The following ANLN variants were observed in gnomAD, a reference collection of about 807,000 sequenced individuals.
ANLN encodes anillin.
ANLN carries 59 observed loss-of-function variants against 135.1 expected under a neutral mutation model. That is an observed-to-expected ratio of 0.44 (90% confidence interval 0.35 to 0.54). The LOEUF (loss-of-function observed/expected upper bound fraction) is 0.54, where lower values mean the gene tolerates loss of function less well. ANLN is among the 20% of genes least tolerant of loss of function. The pLI is 0.00. For synonymous variants in ANLN, 406 were observed against 456.4 expected, an observed-to-expected ratio of 0.89 and a Z score of 1.41; for missense variants, 1,182 against 1,340.0, an observed-to-expected ratio of 0.88 and a Z score of 1.84.
intron 2 of ANLN, among the ~76,000 whole-genome samples, chr7:36,398,340 C>G (rs1316583571): frequency 6.6e-6 from 1 of 152,114 alleles, no homozygotes; most frequent in Non-Finnish European, 1.5e-5. Context: ...GCCAATTGCC[C>G]TTCTAACCAT....
intron 11 of ANLN, 105 bp from the exon 12 acceptor site, chr7:36,420,492 G>T: frequency 7.9e-7 from 1 of 1,262,546 alleles, no homozygotes; most frequent in Non-Finnish European, 1.1e-6. Flanking sequence ...GAAATGTTCT[G>T]CTGACATGTT....
Position 36,420,292 on chromosome 7 carries a change from G to A in ANLN, c.1993G>A (p.Glu665Lys). Residue 665 changes from glutamate (E) to lysine (K), a missense_variant, in exon 11 of 24, where the codon GAA becomes AAA. Glu to Lys is a moderately conservative substitution (Grantham distance 56). Transcript: ENST00000265748. Reference sequence around the variant, plus strand: ...TGAATCTGGTGATAGCCTTGGTTCTGAAGATCGTGATCTTCTTTACAGGTA... The same window carrying A: ...TGAATCTGGTGATAGCCTTGGTTCTAAAGATCGTGATCTTCTTTACAGGTA... ...RAESGDSLGS[E>K]DRDLLYSIDA... The A allele has an allele frequency of 6.2e-7, 1 of 1,614,028 alleles. No homozygotes were observed. The highest frequency in any genetic ancestry group is 1.1e-5 in the South Asian group (1 of 91,076).
chr7:36,432,962 T>A (rs1393197326), intron 20 of ANLN, among the ~76,000 whole-genome samples: 1 of 152,104 alleles, frequency 6.6e-6, no homozygotes, highest in Non-Finnish European at 1.5e-5. Context: ...CAATGCACTG[T>A]TGTTACTTTT....
chr7:36,409,313 G>A (rs1261253473), intron 5 of ANLN, among the ~76,000 whole-genome samples: 1 of 152,190 alleles, frequency 6.6e-6, no homozygotes, highest in East Asian at 1.9e-4. Context: ...AGTGATAGGT[G>A]AAGTCCTCAA....
At chr7:36,416,003 C>G in intron 8 of ANLN, 119 bp downstream of exon 8, 2 of 875,916 alleles carry the variant, frequency 2.3e-6, no homozygotes, top group East Asian at 5.7e-5. Context: ...TGGGGGGAAT[C>G]TTTAGGGTTT....
intron 3 of ANLN, among the ~76,000 whole-genome samples, chr7:36,402,685 AG>A (rs1431415036): frequency 1.3e-5 from 2 of 152,136 alleles, no homozygotes; most frequent in Non-Finnish European, 2.9e-5. Context: ...ACACCAGAAT[AG>A]GATCTACTTA....
At chr7:36,436,366 A>C (rs941108963) in intron 20 of ANLN, among the ~76,000 whole-genome samples, 2 of 152,156 alleles carry the variant, frequency 1.3e-5, no homozygotes, top group Admixed American at 6.5e-5. Flanking sequence ...CTGTTCATTC[A>C]TTGATAGATA....
At chr7:36,390,309 C>CA in intron 1 of ANLN, 3 of 538,566 alleles carry the variant, frequency 5.6e-6, no homozygotes, top group Non-Finnish European at 9.9e-6. Context: ...AGAGGTCTTT[C>CA]AGCCCCCGTT....
Position 36,420,284 on chromosome 7 carries a change from T to A in ANLN, c.1985T>A (p.Leu662His), listed in dbSNP as rs1481379193. 1 of 1,614,002 alleles carries A rather than the reference T, an allele frequency of 6.2e-7. No homozygotes were observed. Among genetic ancestry groups the A allele is most frequent in the African/African-American group, 1.3e-5 (1 of 74,946 alleles). ...RVPRAESGDS[L>H]GSEDRDLLYS... ...CCTCGAGCTGAATCTGGTGATAGCC[T>A]TGGTTCTGAAGATCGTGATCTTCTT... Residue 662 changes from leucine to histidine, a missense_variant, in exon 11 of 24, where the codon CTT becomes CAT. Physicochemically the swap from Leu to His is moderately conservative, Grantham distance 99. Coordinates refer to ENST00000265748, the MANE Select transcript of ANLN (RefSeq NM_018685.5).
chr7:36,392,265 T>G (rs1786508289), intron 1 of ANLN, among the ~76,000 whole-genome samples: 3 of 152,232 alleles, frequency 2.0e-5, no homozygotes, highest in Admixed American at 1.3e-4. Flanking sequence ...GAATTTCTCT[T>G]ATTTTCCAGA....
chr7:36,443,622 TA>T (rs1046445840), intron 21 of ANLN, 132 bp from the exon 22 acceptor site: 178 of 588,020 alleles, frequency 3.0e-4, no homozygotes, highest in African/African-American at 1.2e-3. Context: ...AAAGACATGA[TA>T]AAAAAACATA....
At chr7:36,450,145 A>C (rs1789185736) in intron 23 of ANLN, among the ~76,000 whole-genome samples, 1 of 152,240 alleles carries the variant, frequency 6.6e-6, no homozygotes, top group South Asian at 2.1e-4. Flanking sequence ...GTAGTTGAGG[A>C]GTCAAGCATT....
At chr7:36,445,667 C>A (rs1788965915) in intron 22 of ANLN, among the ~76,000 whole-genome samples, 2 of 152,090 alleles carry the variant, frequency 1.3e-5, no homozygotes, top group Non-Finnish European at 2.9e-5. Context: ...TGGTTTGTAC[C>A]TTTTACAGCC....
intron 3 of ANLN, among the ~76,000 whole-genome samples, chr7:36,402,651 T>C (rs749092000): frequency 3.3e-4 from 50 of 152,298 alleles, no homozygotes; most frequent in Non-Finnish European, 3.4e-4. Context: ...AATGTAACTC[T>C]TGCTTTTCTA....
At chr7:36,417,233 A>G (rs1424631054) in intron 9 of ANLN, 43 bp downstream of exon 9, 7 of 1,048,166 alleles carry the variant, frequency 6.7e-6, no homozygotes, top group Non-Finnish European at 1.0e-5. Flanking sequence ...TGCACATACT[A>G]TAGGAAATAA....
At chr7:36,427,915 A>C (rs1410825910) in intron 20 of ANLN, among the ~76,000 whole-genome samples, 2 of 152,190 alleles carry the variant, frequency 1.3e-5, no homozygotes, top group African/African-American at 2.4e-5. Context: ...TATATAATAC[A>C]GTGATAATTT....
chr7:36,394,186 T>C (rs969351115), intron 1 of ANLN, among the ~76,000 whole-genome samples: 1 of 152,224 alleles, frequency 6.6e-6, no homozygotes, highest in African/African-American at 2.4e-5. Context: ...CTTGATCCTG[T>C]TTATAATTTG....
intron 20 of ANLN, among the ~76,000 whole-genome samples, chr7:36,432,724 T>G (rs1429499830): frequency 6.6e-6 from 1 of 152,242 alleles, no homozygotes; most frequent in Non-Finnish European, 1.5e-5. Context: ...TAATTGAGTA[T>G]TTTGGTAATC....
chr7:36,392,747 T>A (rs1421448633), intron 1 of ANLN, among the ~76,000 whole-genome samples: 1 of 151,354 alleles, frequency 6.6e-6, no homozygotes, highest in Non-Finnish European at 1.5e-5. Flanking sequence ...TGTGTATCTA[T>A]TTAATTTTTT....
Sources: allele counts gnomAD v4.1 joint callset (sites outside exome capture counted in the v4.1 genomes callset), GRCh38; gene constraint gnomAD v4.1.1; transcripts MANE v1.5; gene names NCBI Gene and HGNC (gene_info 2026-07-23, HGNC 2026-07-21).